Variants in RYR3 observed in about 807,000 individuals in gnomAD.
RYR3 encodes the protein brain ryanodine receptor-calcium release channel.
In RYR3, 207 loss-of-function variants were observed where a neutral mutation model predicts 584.3. That is an observed-to-expected ratio of 0.35 (90% CI 0.32 to 0.40). RYR3 has a LOEUF of 0.40. RYR3 is among the 10% of genes least tolerant of loss of function. RYR3 has a pLI of 1.00. For missense variants in RYR3, 5,616 were observed against 6,089.2 expected (o/e 0.92, Z 2.59); for synonymous variants, 2,416 against 2,248.5 (o/e 1.07, Z -2.11).
chr15:33,506,730 G>A (rs561329443), intron 3 of RYR3, among the ~76,000 whole-genome samples: 12 of 152,292 alleles, frequency 7.9e-5, no homozygotes, highest in Non-Finnish European at 1.6e-4. Context: ...TCACAATTCC[G>A]TCTGGGCTCT....
At chr15:33,713,169 G>A (rs181191331) in intron 43 of RYR3, among the ~76,000 whole-genome samples, 17 of 152,312 alleles carry the variant, frequency 1.1e-4, no homozygotes, top group African/African-American at 2.6e-4. Flanking sequence ...AATCGTGGCA[G>A]ATGATGGAAG....
intron 86 of RYR3, among the ~76,000 whole-genome samples, chr15:33,833,476 T>C (rs1309404518): frequency 6.6e-6 from 1 of 152,214 alleles, no homozygotes; most frequent in East Asian, 1.9e-4. Context: ...GGGAGATATA[T>C]CCTTGTCACT....
chr15:33,645,043 T>C (rs1381476731), intron 28 of RYR3, among the ~76,000 whole-genome samples: 1 of 152,074 alleles, frequency 6.6e-6, no homozygotes, highest in African/African-American at 2.4e-5. Context: ...AAAAAAAATT[T>C]AAAAGTTCCA....
chr15:33,675,847 T>C (rs111738484), intron 38 of RYR3, among the ~76,000 whole-genome samples: 2 of 152,162 alleles, frequency 1.3e-5, no homozygotes, highest in African/African-American at 4.8e-5. Flanking sequence ...ATTTAGCCCT[T>C]ACCAGCTTTG....
intron 77 of RYR3, 21 bp downstream of exon 77, chr15:33,819,828 C>T (rs747879805): frequency 3.2e-6 from 5 of 1,571,956 alleles, no homozygotes; most frequent in South Asian, 1.2e-5. Flanking sequence ...GTTTTCTGCC[C>T]ATTGTCTCTG....
chr15:33,649,335 G>A, intron 31 of RYR3, 100 bp downstream of exon 31: 3 of 1,182,656 alleles, frequency 2.5e-6, no homozygotes, highest in Non-Finnish European at 3.6e-6. Context: ...AAACATCTTG[G>A]CCTCTCTTAA....
intron 1 of RYR3, among the ~76,000 whole-genome samples, chr15:33,315,231 C>T (rs1360265647): frequency 6.6e-6 from 1 of 152,154 alleles, no homozygotes; most frequent in Non-Finnish European, 1.5e-5. Context: ...CTCCCCAGAG[C>T]GCGCTGTCTT....
intron 1 of RYR3, among the ~76,000 whole-genome samples, chr15:33,427,818 T>C (rs1426086946): frequency 1.3e-5 from 2 of 152,248 alleles, no homozygotes; most frequent in African/African-American, 2.4e-5. Flanking sequence ...AGGAGCCTCA[T>C]GGCTGTATCT....
At chr15:33,844,310 G>A (rs934408049) in intron 92 of RYR3, among the ~76,000 whole-genome samples, 3 of 152,202 alleles carry the variant, frequency 2.0e-5, no homozygotes, top group African/African-American at 7.2e-5. Flanking sequence ...AGGTTGAAGT[G>A]ACTTCAGACA....
Position 33,818,650 on chromosome 15 carries a change from C to T in RYR3, c.10672C>T (p.Leu3558Phe). The T allele has an allele frequency of 6.2e-7, 1 of 1,613,922 alleles. No individual in the cohort carries two copies. Among genetic ancestry groups the T allele is most frequent in the Non-Finnish European group, 8.5e-7 (1 of 1,179,858 alleles). Residue 3558 changes from leucine (L) to phenylalanine (F), a missense_variant, in exon 76 of 104, where the codon CTC (leucine) becomes TTC (phenylalanine). Leu to Phe is a conservative substitution (Grantham distance 22). Around this residue, in one of 9 missense-constraint regions of RYR3, gnomAD observed 954 missense variants for 1,132.2 expected, o/e 0.84. Coordinates refer to ENST00000634891, the MANE Select transcript of RYR3 (RefSeq NM_001036.6). The part of the protein sequence containing the change: ...KQPDPLHQII[L>F]YFSRNALTER... ...ACCTGACCCACTACATCAGATCATT[C>T]TCTATTTTAGCCGCAACGCTCTCAC...
chr15:33,361,886 G>C (rs970569983), intron 1 of RYR3, among the ~76,000 whole-genome samples: 3 of 152,212 alleles, frequency 2.0e-5, no homozygotes, highest in African/African-American at 7.2e-5. Context: ...GGATGACTGT[G>C]ATGCTTGTTG....
Position 33,646,382 on chromosome 15 carries a change from C to G in RYR3, c.3797C>G (p.Pro1266Arg). Residue 1266 changes from proline to arginine, a missense_variant, in exon 29 of 104, where the codon CCT (proline) becomes CGT (arginine). Around this residue, in one of 9 missense-constraint regions of RYR3, gnomAD observed 753 missense variants for 741.0 expected, o/e 1.02. Coordinates refer to ENST00000634891, the MANE Select transcript of RYR3 (RefSeq NM_001036.6). ...VMRIDGTMDS[P>R]PCLKVTHKTF... Reference sequence around the variant, plus strand: ...AGGATTGATGGCACCATGGACAGCCCTCCGTGTCTCAAGGTGACGCATAAG... The same window carrying G: ...AGGATTGATGGCACCATGGACAGCCGTCCGTGTCTCAAGGTGACGCATAAG... 1.2e-6 allele frequency: 2 copies of G among 1,612,556 alleles called. No individual in the cohort carries two copies. Among genetic ancestry groups the G allele is most frequent in the South Asian group, 1.1e-5 (1 of 90,910 alleles).
At chr15:33,769,259 A>G in intron 62 of RYR3, 87 bp downstream of exon 62, 1 of 996,464 alleles carries the variant, frequency 1.0e-6, no homozygotes, top group Admixed American at 1.7e-5. Context: ...GAGAAGACAG[A>G]TCGCTGCTGC....
chr15:33,590,639 G>GGT (rs2059084884), intron 16 of RYR3, among the ~76,000 whole-genome samples: 1 of 51,542 alleles, frequency 1.9e-5, no homozygotes, highest in Non-Finnish European at 3.5e-5. Flanking sequence ...ATTTTCATAG[G>GGT]GTTTTTTTTT....
chr15:33,529,833 A>G (rs1309967481), intron 3 of RYR3, among the ~76,000 whole-genome samples: 1 of 152,202 alleles, frequency 6.6e-6, no homozygotes, highest in Non-Finnish European at 1.5e-5. Flanking sequence ...CCTATCATGT[A>G]CCATTCAGTT....
At position 33,779,229 on chromosome 15, in the gene RYR3, C is replaced by CT. The variant is rs1044576745; in HGVS notation, c.9138-973dup. On this transcript the variant is annotated intron_variant, in intron 64 of 103. Coordinates refer to ENST00000634891, the MANE Select transcript of RYR3 (RefSeq NM_001036.6). ...AAGATCACAATTTTTCTTTTCTTTT[C>CT]TTTTTTTTTCTTTTTGAGTTGGAGT... Among the ~76,000 whole-genome samples the CT allele has an allele frequency of 1.5e-3, 223 of 149,922 alleles. 1 individual carries two copies. The highest frequency in any genetic ancestry group is 1.5e-3 in the Non-Finnish European group (99 of 66,722).
intron 87 of RYR3, among the ~76,000 whole-genome samples, chr15:33,836,331 G>A (rs7179582): frequency 0.29 from 44,583 of 151,756 alleles, 8,237 homozygotes; most frequent in Non-Finnish European, 0.41. Flanking sequence ...GTAGCTTAGC[G>A]ATGCTCTTCC....
At chr15:33,720,841 T>C (rs1352935549) in intron 43 of RYR3, among the ~76,000 whole-genome samples, 2 of 151,668 alleles carry the variant, frequency 1.3e-5, no homozygotes, top group African/African-American at 2.4e-5. Flanking sequence ...GCCACTGTAC[T>C]CCAGCCTGGG....
Position 33,662,233 on chromosome 15 carries a change from T to C in RYR3, c.4703T>C (p.Val1568Ala). The C allele has an allele frequency of 3.1e-6, 5 of 1,609,322 alleles. No homozygotes were observed. The highest frequency in any genetic ancestry group is 4.2e-6 in the Non-Finnish European group (5 of 1,178,126). ...HYHTLRLYSA[V>A]CALGNSRVAY... ...CACACGCTGAGGCTCTACAGCGCGG[T>C]GTGCGCCCTGGGAAACAGCCGCGTG... is the stretch of plus-strand genomic sequence containing the variant. Residue 1568 changes from valine to alanine, a missense_variant, in exon 35 of 104, where the codon GTG (valine) becomes GCG (alanine). Val to Ala is a moderately conservative substitution (Grantham distance 64, BLOSUM62 0). This residue lies in a region of RYR3 where 753 missense variants were observed against 741.0 expected (regional missense o/e 1.02). Coordinates refer to ENST00000634891, the MANE Select transcript of RYR3 (RefSeq NM_001036.6).
Sources: gnomAD v4.1 joint callset for allele counts (sites outside exome capture counted in the v4.1 genomes callset) on GRCh38, gnomAD v4.1.1 for gene constraint, gnomAD v4.1.1 regional missense constraint, MANE v1.5 for transcripts, NCBI Gene and HGNC (gene_info 2026-07-23, HGNC 2026-07-21) for gene names.